Variants in CRY1 observed in about 807,000 individuals in gnomAD.
CRY1 encodes cryptochrome-1.
A neutral mutation model predicts 76.0 loss-of-function variants in CRY1; 45 were observed. The observed-to-expected ratio is 0.59, with a 90% CI of 0.47 to 0.76. The LOEUF is 0.76. Ranked by LOEUF, CRY1 falls within the 30% of genes least tolerant of loss-of-function variation. CRY1 has a pLI of 0.00. For synonymous variants in CRY1, 248 were observed against 244.0 expected (o/e 1.02, Z -0.15); for missense variants, 587 against 716.4 (o/e 0.82, Z 2.06).
chr12:107,008,233 T>C (rs1952397644), intron 2 of CRY1, among the ~76,000 whole-genome samples: 1 of 152,226 alleles, frequency 6.6e-6, no homozygotes, highest in Non-Finnish European at 1.5e-5. Context: ...TCATTCACTT[T>C]TCCTTCCCTG....
chr12:107,026,127 A>AT (rs1952607794), intron 1 of CRY1, among the ~76,000 whole-genome samples: 1 of 36,576 alleles, frequency 2.7e-5, no homozygotes, highest in African/African-American at 1.0e-4. Context: ...TATATTATAT[A>AT]TAATTACATA....
chr12:107,048,183 C>G (rs1459191966), intron 1 of CRY1, among the ~76,000 whole-genome samples: 2 of 151,910 alleles, frequency 1.3e-5, no homozygotes, highest in Non-Finnish European at 2.9e-5. Flanking sequence ...TGGGTTCAAG[C>G]AATTCTCCTG....
intron 12 of CRY1, 98 bp downstream of exon 12, chr12:106,992,689 G>A (rs1952191431): frequency 9.0e-6 from 10 of 1,114,624 alleles, no homozygotes; most frequent in African/African-American, 1.6e-5. Flanking sequence ...AAGATTTTCT[G>A]GTTTGAAAAT....
At chr12:107,026,190 A>AATATATATATATATTACATATATAT (rs1952614314) in intron 1 of CRY1, among the ~76,000 whole-genome samples, 1 of 32,240 alleles carries the variant, frequency 3.1e-5, no homozygotes, top group African/African-American at 1.5e-4. Context: ...ATATATATAA[A>AATATATATATATATTACATATATAT]ATAAAACCTC....
rs1422066827 is a variant in CRY1, at chr12:107,005,789, G to C, written c.268-541C>G. Among the ~76,000 whole-genome samples the C allele has an allele frequency of 2.6e-5, 4 of 151,832 alleles. No homozygotes were observed. In the South Asian group the frequency reaches 6.2e-4, roughly 24 times the overall value. ...GTGTGTATGTAAATATTTTCTTTCT[G>C]ATTACTAAAAAACGTTAACTGAAAA... On this transcript the variant is annotated intron_variant, in intron 2 of 12. Transcript: ENST00000008527.
At position 106,999,454 on chromosome 12, in the gene CRY1, C is replaced by T. The variant is rs976816570; in HGVS notation, c.1137+97G>A. 2.6e-6 allele frequency: 3 copies of T among 1,169,150 alleles called. No homozygotes were observed. The African/African-American group carries it at 4.6e-5, about 18-fold the overall frequency. 72.4% of individuals were successfully genotyped at this position (1,169,150 alleles called of 1,614,324 possible). ...TGTTTTATCCACTGAAAAACTACAC[C>T]ATAAATGAATCTATAAACAGACAAC... On this transcript the variant is annotated intron_variant, in intron 7 of 12. Coordinates refer to ENST00000008527, the MANE Select transcript of CRY1 (RefSeq NM_004075.5).
intron 1 of CRY1, among the ~76,000 whole-genome samples, chr12:107,070,122 T>C (rs1953170789): frequency 6.6e-6 from 1 of 152,236 alleles, no homozygotes; most frequent in South Asian, 2.1e-4. Flanking sequence ...CCAGCAATTC[T>C]ATTGATTTGT....
At chr12:107,033,739 AG>A (rs1329675700) in intron 1 of CRY1, among the ~76,000 whole-genome samples, 2 of 151,904 alleles carry the variant, frequency 1.3e-5, no homozygotes, top group African/African-American at 2.4e-5. Context: ...AATCTGAAAA[AG>A]GGTACCCGTA....
intron 1 of CRY1, among the ~76,000 whole-genome samples, chr12:107,084,025 G>A (rs1383393197): frequency 6.6e-6 from 1 of 152,088 alleles, no homozygotes; most frequent in African/African-American, 2.4e-5. Flanking sequence ...AAAATCACAA[G>A]CATTCCTATA....
At chr12:107,071,372 TATA>T (rs1447279185) in intron 1 of CRY1, among the ~76,000 whole-genome samples, 1 of 152,240 alleles carries the variant, frequency 6.6e-6, no homozygotes, top group Non-Finnish European at 1.5e-5. Context: ...GATCTACTAA[TATA>T]ATGACATATT....
At chr12:107,046,978 AAAAT>A (rs1332067911) in intron 1 of CRY1, among the ~76,000 whole-genome samples, 20 of 152,330 alleles carry the variant, frequency 1.3e-4, no homozygotes, top group Non-Finnish European at 2.5e-4. Flanking sequence ...TAGGCAGAAG[AAAAT>A]CAACAAAGAA....
intron 1 of CRY1, among the ~76,000 whole-genome samples, chr12:107,032,801 C>A (rs933655368): frequency 7.2e-5 from 11 of 152,070 alleles, no homozygotes; most frequent in African/African-American, 2.7e-4. Flanking sequence ...AGAGCAAGAT[C>A]AATTTTAAAT....
At chr12:107,080,173 G>A (rs1483958575) in intron 1 of CRY1, among the ~76,000 whole-genome samples, 1 of 152,092 alleles carries the variant, frequency 6.6e-6, no homozygotes, top group Non-Finnish European at 1.5e-5. Flanking sequence ...ACACAGTAAG[G>A]ACTCAAATGG....
In CRY1 at chr12:106,991,552, T is replaced by C. The variant is rs1215595397; in HGVS notation, c.*450A>G. On this transcript the variant is annotated 3_prime_UTR_variant, in exon 13 of 13. Transcript: ENST00000008527. Reference sequence around the variant, plus strand: ...ACCAATTTGGATTACGCACATTATCTAAAACATTATTATCAAAGAGTGCAA... The same window carrying C: ...ACCAATTTGGATTACGCACATTATCCAAAACATTATTATCAAAGAGTGCAA... 1 of 152,592 alleles carries C rather than the reference T, an allele frequency of 6.6e-6. No homozygotes were observed. The highest frequency in any genetic ancestry group is 2.4e-5 in the African/African-American group (1 of 41,448). The allele number at this position is 152,592 out of a possible 1,614,324, so 9.5% of individuals were successfully genotyped here.
chr12:107,043,402 T>G (rs1469876200), intron 1 of CRY1, among the ~76,000 whole-genome samples: 1 of 152,128 alleles, frequency 6.6e-6, no homozygotes, highest in Non-Finnish European at 1.5e-5. Context: ...AGTGGAGCCC[T>G]ACATCCCAGG....
chr12:107,010,275 C>T (rs1001602271), intron 2 of CRY1, among the ~76,000 whole-genome samples: 13 of 151,604 alleles, frequency 8.6e-5, no homozygotes, highest in Non-Finnish European at 1.8e-4. Flanking sequence ...CTTTTTTGTC[C>T]GAATCAGTAT....
chr12:107,066,043 G>C (rs1404295108), intron 1 of CRY1, among the ~76,000 whole-genome samples: 1 of 152,122 alleles, frequency 6.6e-6, no homozygotes, highest in Non-Finnish European at 1.5e-5. Flanking sequence ...AGTATCATAA[G>C]GCTCATTCTG....
chr12:107,062,102 A>G (rs1267164690), intron 1 of CRY1, among the ~76,000 whole-genome samples: 1 of 151,872 alleles, frequency 6.6e-6, no homozygotes, highest in African/African-American at 2.4e-5. Flanking sequence ...AACATTCAAC[A>G]TTAAAAATCC....
chr12:106,992,627 C>T, intron 12 of CRY1, 160 bp downstream of exon 12: 1 of 632,922 alleles, frequency 1.6e-6, no homozygotes, highest in Admixed American at 2.9e-5. Context: ...ATGCATGTCT[C>T]TTGACCAAAA....
Sources: allele counts gnomAD v4.1 joint callset (sites outside exome capture counted in the v4.1 genomes callset), GRCh38; gene constraint gnomAD v4.1.1; transcripts MANE v1.5; gene names NCBI Gene and HGNC (gene_info 2026-07-23, HGNC 2026-07-21).